The following ARHGAP5 variants were observed in gnomAD, a reference collection of about 807,000 sequenced individuals.
ARHGAP5 encodes rho GTPase-activating protein 5.
In ARHGAP5, 23 loss-of-function variants were observed where a neutral mutation model predicts 116.6. The observed-to-expected ratio is 0.20, with a 90% CI of 0.14 to 0.28. The LOEUF is 0.28. Among genes scored for constraint, ARHGAP5 ranks in the 10% least tolerant of loss-of-function variants. ARHGAP5 has a pLI of 1.00. For missense variants in ARHGAP5, 1,405 were observed against 1,774.8 expected, an observed-to-expected ratio of 0.79 and a Z score of 3.74; for synonymous variants, 574 against 602.0, an observed-to-expected ratio of 0.95 and a Z score of 0.68.
intron 2 of ARHGAP5, among the ~76,000 whole-genome samples, chr14:32,098,138 C>A (rs971098667): frequency 6.6e-6 from 1 of 152,142 alleles, no homozygotes; most frequent in Non-Finnish European, 1.5e-5. Flanking sequence ...GGCTTATTAA[C>A]AGAATAGCAT....
At position 32,090,989 on chromosome 14, in the gene ARHGAP5, A is replaced by T; in HGVS notation, c.320A>T (p.His107Leu). 1 of 1,613,686 alleles carries T rather than the reference A, an allele frequency of 6.2e-7. No homozygotes were observed. Among genetic ancestry groups the T allele is most frequent in the Non-Finnish European group, 8.5e-7 (1 of 1,179,676 alleles). ...ATTGATGACCAGACTTTCTTGCCTCATCGGAGTACGAATTTGCAACCATAT... is the reference window on the plus strand; with the variant it reads ...ATTGATGACCAGACTTTCTTGCCTCTTCGGAGTACGAATTTGCAACCATAT... Reference protein sequence around the residue: ...EFIDDQTFLPHRSTNLQPYIK... With the variant: ...EFIDDQTFLPLRSTNLQPYIK... Residue 107 changes from histidine (H) to leucine (L), a missense_variant, in exon 2 of 7, where the codon CAT becomes CTT. Physicochemically the swap from His to Leu is moderately conservative, Grantham distance 99 (BLOSUM62 -3). This residue lies in a region of ARHGAP5 where 190 missense variants were observed against 314.9 expected (regional missense o/e 0.60). Coordinates refer to ENST00000345122, the MANE Select transcript of ARHGAP5 (RefSeq NM_001030055.2).
intron 1 of ARHGAP5, among the ~76,000 whole-genome samples, chr14:32,087,951 G>A (rs2041846603): frequency 6.6e-6 from 1 of 152,004 alleles, no homozygotes; most frequent in African/African-American, 2.4e-5. Flanking sequence ...AAAGGGTCAT[G>A]ACTTAATGCC....
At chr14:32,118,733 TC>T (rs1879732268) in intron 3 of ARHGAP5, among the ~76,000 whole-genome samples, 1 of 152,202 alleles carries the variant, frequency 6.6e-6, no homozygotes, top group Admixed American at 6.5e-5. Context: ...AATATTAGCT[TC>T]CTGCTTTGGA....
At chr14:32,150,889 C>T (rs1321208815) in intron 5 of ARHGAP5, among the ~76,000 whole-genome samples, 1 of 152,172 alleles carries the variant, frequency 6.6e-6, no homozygotes, top group Non-Finnish European at 1.5e-5. Flanking sequence ...ATTCATTTAT[C>T]TGGAAAATGA....
chr14:32,123,585 T>C (rs369729422), intron 3 of ARHGAP5, among the ~76,000 whole-genome samples: 3 of 151,188 alleles, frequency 2.0e-5, no homozygotes, highest in Non-Finnish European at 4.4e-5. Context: ...TTTTTCTGCT[T>C]CTTGTTTTGA....
chr14:32,153,348 A>C (rs1881735877), intron 6 of ARHGAP5, among the ~76,000 whole-genome samples: 1 of 118,010 alleles, frequency 8.5e-6, no homozygotes, highest in Non-Finnish European at 1.6e-5. Context: ...CGGAGGTTGC[A>C]ATGAGCTGAG....
chr14:32,091,967 A>G lies in ARHGAP5; in HGVS notation c.1298A>G (p.Lys433Arg). 6.2e-7 allele frequency: 1 copy of G among 1,613,738 alleles called. No homozygotes were observed. Among genetic ancestry groups the G allele is most frequent in the Non-Finnish European group, 8.5e-7 (1 of 1,179,702 alleles). The change falls in exon 2 of 7, where the codon AAA becomes AGA. Residue 433 changes from lysine (K) to arginine (R), a missense_variant. Physicochemically the swap from Lys to Arg is conservative, Grantham distance 26. Coordinates refer to ENST00000345122, the MANE Select transcript of ARHGAP5 (RefSeq NM_001030055.2). ...SEKRRVEMKEKFKKTLEKIQF... is the reference protein window; with the variant it reads ...SEKRRVEMKERFKKTLEKIQF... Reference sequence around the variant, plus strand: ...AAGAGGAGGGTGGAAATGAAGGAAAAATTCAAAAAGACTTTGGAAAAAATT... The same window carrying G: ...AAGAGGAGGGTGGAAATGAAGGAAAGATTCAAAAAGACTTTGGAAAAAATT...
intron 3 of ARHGAP5, among the ~76,000 whole-genome samples, chr14:32,133,941 A>G (rs1880648288): frequency 6.6e-6 from 1 of 152,136 alleles, no homozygotes; most frequent in African/African-American, 2.4e-5. Flanking sequence ...CAATCAATAG[A>G]AAAAGAGGGA....
intron 2 of ARHGAP5, among the ~76,000 whole-genome samples, chr14:32,098,737 G>T (rs1468073181): frequency 6.6e-6 from 1 of 152,172 alleles, no homozygotes; most frequent in Non-Finnish European, 1.5e-5. Context: ...TTTCAAAAAA[G>T]GCAGCAGGCT....
At chr14:32,098,105 AT>A (rs1878620833) in intron 2 of ARHGAP5, among the ~76,000 whole-genome samples, 1 of 152,188 alleles carries the variant, frequency 6.6e-6, no homozygotes, top group African/African-American at 2.4e-5. Flanking sequence ...TCACATGCTG[AT>A]TTGATAAATG....
intron 2 of ARHGAP5, among the ~76,000 whole-genome samples, chr14:32,100,714 C>G (rs1489789316): frequency 6.6e-6 from 1 of 152,082 alleles, no homozygotes; most frequent in Non-Finnish European, 1.5e-5. Flanking sequence ...TGCTGTGGGA[C>G]AACTGTATAT....
At chr14:32,132,237 C>A (rs913239009) in intron 3 of ARHGAP5, among the ~76,000 whole-genome samples, 1 of 152,216 alleles carries the variant, frequency 6.6e-6, no homozygotes, top group African/African-American at 2.4e-5. Context: ...CACATCCTCT[C>A]CAGCACCTGT....
chr14:32,078,317 G>C (rs1289378068), intron 1 of ARHGAP5: 1 of 152,200 alleles, frequency 6.6e-6, no homozygotes, highest in East Asian at 1.9e-4. Flanking sequence ...ACTGTTATTA[G>C]GCCGTTTAGT....
chr14:32,127,770 C>G (rs560006269), intron 3 of ARHGAP5, among the ~76,000 whole-genome samples: 4 of 150,708 alleles, frequency 2.7e-5, no homozygotes, highest in Non-Finnish European at 4.4e-5. Flanking sequence ...GGCCTCCCCA[C>G]CCCCGAGACA....
chr14:32,106,259 T>G (rs1879014242), intron 2 of ARHGAP5, among the ~76,000 whole-genome samples: 1 of 152,138 alleles, frequency 6.6e-6, no homozygotes, highest in African/African-American at 2.4e-5. Flanking sequence ...TATCTGGGAT[T>G]ACAGATGCCC....
intron 2 of ARHGAP5, among the ~76,000 whole-genome samples, chr14:32,113,809 T>G (rs539044483): frequency 6.6e-5 from 10 of 152,332 alleles, no homozygotes; most frequent in Non-Finnish European, 1.3e-4. Flanking sequence ...ATTGGAACAT[T>G]TAGAGTTGGC....
At chr14:32,147,250 G>A (rs563382209) in intron 4 of ARHGAP5, among the ~76,000 whole-genome samples, 1 of 152,126 alleles carries the variant, frequency 6.6e-6, no homozygotes, top group Non-Finnish European at 1.5e-5. Context: ...AACCTAGAAA[G>A]CATGAACCCA....
At chr14:32,102,119 C>T (rs1878819790) in intron 2 of ARHGAP5, among the ~76,000 whole-genome samples, 1 of 152,086 alleles carries the variant, frequency 6.6e-6, no homozygotes, top group African/African-American at 2.4e-5. Context: ...CTTTTTTGTA[C>T]CTATTTTCTG....
At chr14:32,129,999 G>C (rs2139099396) in intron 3 of ARHGAP5, among the ~76,000 whole-genome samples, 1 of 152,068 alleles carries the variant, frequency 6.6e-6, no homozygotes, top group Non-Finnish European at 1.5e-5. Flanking sequence ...GGAATTTGAG[G>C]TTGCAGTGAG....
Sources: allele counts gnomAD v4.1 joint callset (sites outside exome capture counted in the v4.1 genomes callset), GRCh38; gene constraint gnomAD v4.1.1; regional missense constraint gnomAD v4.1.1; transcripts MANE v1.5; gene names NCBI Gene and HGNC (gene_info 2026-07-23, HGNC 2026-07-21).